SHISA9: variants seen among roughly 807,000 people sequenced by gnomAD.
SHISA9 encodes the protein protein shisa-9.
A neutral mutation model predicts 38.0 loss-of-function variants in SHISA9; 13 were observed. The ratio of observed to expected loss-of-function variants is 0.34; its 90% CI spans 0.22 to 0.54. SHISA9 has a LOEUF of 0.54. SHISA9 is among the 20% of genes least tolerant of loss of function. The pLI is 0.91. For synonymous variants in SHISA9, 275 were observed against 242.0 expected (o/e 1.14, Z -1.27); for missense variants, 538 against 575.8 (o/e 0.93, Z 0.67).
the SHISA9 span, among the ~76,000 whole-genome samples, chr16:13,300,571 G>C: frequency 6.6e-6 from 1 of 152,138 alleles, no homozygotes; most frequent in African/African-American, 2.4e-5. Context: ...TTGAAGAACT[G>C]AGCTGCCATG....
the SHISA9 span, among the ~76,000 whole-genome samples, chr16:13,291,266 A>G: frequency 3.3e-5 from 5 of 152,148 alleles, no homozygotes; most frequent in African/African-American, 1.2e-4. Context: ...ACCATTTTTT[A>G]TTGATCAAAG....
chr16:13,037,109 G>GACAGACAC (rs2073081444), intron 2 of SHISA9, among the ~76,000 whole-genome samples: 2 of 105,210 alleles, frequency 1.9e-5, no homozygotes, highest in African/African-American at 7.0e-5. Context: ...CACACACACA[G>GACAGACAC]ACACACACAC....
At chr16:12,949,432 GGTGAGGCACCTCCTATTCAACC>G (rs2071727050) in intron 2 of SHISA9, among the ~76,000 whole-genome samples, 1 of 152,182 alleles carries the variant, frequency 6.6e-6, no homozygotes, top group African/African-American at 2.4e-5. Context: ...AAAATGTTTG[GGTGAGGCACCTCCTATTCAACC>G]AAGGGGTACA....
the SHISA9 span, among the ~76,000 whole-genome samples, chr16:13,536,056 T>C: frequency 0.29 from 44,590 of 151,646 alleles, 6,857 homozygotes; most frequent in East Asian, 0.43. Flanking sequence ...TGGAGTTCAA[T>C]GGCACGGTCT....
chr16:13,203,619 C>G, intron 3 of SHISA9, 70 bp downstream of exon 3: 3 of 1,357,044 alleles, frequency 2.2e-6, no homozygotes, highest in Non-Finnish European at 2.9e-6. Flanking sequence ...TTGTAGATCT[C>G]TTTATCTCCA....
chr16:12,983,946 T>C lies in SHISA9; in HGVS notation c.691+67131T>C, dbSNP rs117262783. On this transcript the variant is annotated intron_variant, in intron 2 of 4. Transcript: ENST00000558583. ...TTAAGATAACCAGTGCTCTTGGTTG[T>C]TGGTTTTGGCTTCTGTTCATAATTC... Among the ~76,000 whole-genome samples the C allele has an allele frequency of 6.0e-3, 919 of 152,334 alleles. 7 individuals are homozygous for C. The highest frequency in any genetic ancestry group is 0.034 in the Middle Eastern group (10 of 294).
At chr16:13,329,016 C>T in the SHISA9 span, among the ~76,000 whole-genome samples, 176 of 152,200 alleles carry the variant, frequency 1.2e-3, no homozygotes, top group African/African-American at 4.1e-3. Context: ...TAGAAAATGG[C>T]TGCCTGGGAC....
the SHISA9 span, among the ~76,000 whole-genome samples, chr16:13,488,992 C>T: frequency 6.6e-6 from 1 of 152,142 alleles, no homozygotes; most frequent in African/African-American, 2.4e-5. Context: ...CCAGGATGGT[C>T]TCGGTCTCCT....
intron 4 of SHISA9, among the ~76,000 whole-genome samples, chr16:13,226,499 C>G (rs944767012): frequency 6.6e-6 from 1 of 152,170 alleles, no homozygotes; most frequent in African/African-American, 2.4e-5. Flanking sequence ...ACTCAGATAT[C>G]CTTTCAGGTT....
intron 2 of SHISA9, among the ~76,000 whole-genome samples, chr16:13,024,895 G>A (rs2072901706): frequency 6.6e-6 from 1 of 152,148 alleles, no homozygotes; most frequent in Non-Finnish European, 1.5e-5. Context: ...TGTGCAGCCA[G>A]GATCTCAATT....
chr16:13,407,004 G>T, the SHISA9 span, among the ~76,000 whole-genome samples: 3 of 147,654 alleles, frequency 2.0e-5, no homozygotes, highest in Non-Finnish European at 4.4e-5. Flanking sequence ...GGAGGCAGAG[G>T]TTGCAGTGAG....
chr16:13,043,266 A>G (rs1409043853), intron 2 of SHISA9, among the ~76,000 whole-genome samples: 1 of 152,128 alleles, frequency 6.6e-6, no homozygotes, highest in East Asian at 1.9e-4. Context: ...CCGGAAGTGG[A>G]TATATCAGTT....
rs898513425 is a variant in SHISA9, at chr16:12,914,369, A to AT, written c.564-2309dup. Among the ~76,000 whole-genome samples, 40 of 149,508 alleles carry AT rather than the reference A, an allele frequency of 2.7e-4. 1 individual carries two copies. The highest frequency in any genetic ancestry group is 1.8e-3 in the East Asian group (9 of 5,112). On this transcript the variant is annotated intron_variant, in intron 1 of 4. Transcript: ENST00000558583. ...GTTTATCTACTTAACATGTTTGTTT[A>AT]TTTTTTTTTTAAATCTTCTCCCATA...
chr16:13,140,574 T>C (rs933776442), intron 2 of SHISA9, among the ~76,000 whole-genome samples: 10 of 152,190 alleles, frequency 6.6e-5, no homozygotes, highest in Non-Finnish European at 1.3e-4. Context: ...CTGCATTTAA[T>C]TTACAGCAAG....
intron 3 of SHISA9, among the ~76,000 whole-genome samples, chr16:13,204,247 T>C (rs1275927291): frequency 4.0e-5 from 6 of 148,172 alleles, no homozygotes; most frequent in Non-Finnish European, 7.5e-5. Flanking sequence ...TATCTATCTA[T>C]CTACCCATCT....
chr16:13,346,692 C>T, the SHISA9 span, among the ~76,000 whole-genome samples: 1 of 152,042 alleles, frequency 6.6e-6, no homozygotes, highest in African/African-American at 2.4e-5. Context: ...TCATTTGATC[C>T]AGCAGTCAAG....
chr16:13,259,798 G>A, the SHISA9 span, among the ~76,000 whole-genome samples: 143 of 152,088 alleles, frequency 9.4e-4, no homozygotes, highest in African/African-American at 3.3e-3. Flanking sequence ...CACACAGCAT[G>A]GGCACCCTGG....
chr16:13,487,926 G>A, the SHISA9 span, among the ~76,000 whole-genome samples: 1 of 152,158 alleles, frequency 6.6e-6, no homozygotes, highest in African/African-American at 2.4e-5. Flanking sequence ...TGGATGGCAG[G>A]GACACTTTGG....
At chr16:13,055,769 A>C (rs1312247151) in intron 2 of SHISA9, among the ~76,000 whole-genome samples, 3 of 152,222 alleles carry the variant, frequency 2.0e-5, no homozygotes, top group Non-Finnish European at 4.4e-5. Context: ...AGAATTACTG[A>C]GGATGCAGCA....
Sources: allele counts gnomAD v4.1 joint callset (sites outside exome capture counted in the v4.1 genomes callset), GRCh38; gene constraint gnomAD v4.1.1; transcripts MANE v1.5; gene names NCBI Gene and HGNC (gene_info 2026-07-23, HGNC 2026-07-21).